The following SAMD3 variants were observed in gnomAD, a reference collection of about 807,000 sequenced individuals.
The protein encoded by SAMD3 is sterile alpha motif domain-containing protein 3.
SAMD3 carries 63 observed loss-of-function variants against 58.5 expected under a neutral mutation model. The ratio of observed to expected loss-of-function variants is 1.08; its 90% CI spans 0.88 to 1.33. The LOEUF is 1.33. SAMD3 is among the 40% of genes most tolerant of loss of function. The pLI, the probability that SAMD3 is intolerant of heterozygous loss-of-function variation, is 0.00. For synonymous variants in SAMD3, 220 were observed against 210.3 expected, an observed-to-expected ratio of 1.05 and a Z score of -0.40; for missense variants, 604 against 608.4, an observed-to-expected ratio of 0.99 and a Z score of 0.08.
At position 130,214,341 on chromosome 6, in the gene SAMD3, G is replaced by C; in HGVS notation, c.265C>G (p.Arg89Gly). ...AALVMQTEAARDYRDEESSSP... is the reference protein window; with the variant it reads ...AALVMQTEAAGDYRDEESSSP... Reference sequence around the variant, plus strand: ...GCCATTTATGAACATACTCACTCTCGAGCTGCTTCTGTTTGCATGACCAGG... The same window carrying C: ...GCCATTTATGAACATACTCACTCTCCAGCTGCTTCTGTTTGCATGACCAGG... Residue 89 changes from arginine (R) to glycine (G), a missense_variant, in exon 4 of 12, where the codon CGA (arginine) becomes GGA (glycine). By Grantham distance (125) the Arg-to-Gly change is moderately radical. Coordinates refer to ENST00000439090, the MANE Select transcript of SAMD3 (RefSeq NM_001017373.4). 1 of 1,586,800 alleles carries C rather than the reference G, an allele frequency of 6.3e-7. No homozygotes were observed. The highest frequency in any genetic ancestry group is 8.6e-7 in the Non-Finnish European group (1 of 1,168,670).
At chr6:130,239,852 C>T (rs62431211) in intron 2 of SAMD3, among the ~76,000 whole-genome samples, 21,213 of 152,180 alleles carry the variant, frequency 0.14, 1,734 homozygotes, top group East Asian at 0.36. Context: ...AGCCACCTGA[C>T]ACACTCACTG....
At chr6:130,226,613 G>T (rs1796387955), upstream of SAMD3, among the ~76,000 whole-genome samples, 1 of 152,162 alleles carries the variant, frequency 6.6e-6, no homozygotes. Flanking sequence ...CATCACCTGA[G>T]GTCAGGAGTT....
chr6:130,294,626 A>AT (rs3029966), intron 2 of SAMD3, among the ~76,000 whole-genome samples: 157 of 146,200 alleles, frequency 1.1e-3, no homozygotes, highest in East Asian at 2.2e-3. Flanking sequence ...GCAAGGATTA[A>AT]TTTTTTTTTT....
intron 1 of SAMD3, among the ~76,000 whole-genome samples, chr6:130,361,672 G>A (rs2115047340): frequency 6.6e-6 from 1 of 152,328 alleles, no homozygotes; most frequent in East Asian, 1.9e-4. Flanking sequence ...GAAAGATGAT[G>A]TAGTGAATTT....
chr6:130,231,657 G>A (rs1582983467), intron 2 of SAMD3, among the ~76,000 whole-genome samples: 1 of 152,176 alleles, frequency 6.6e-6, no homozygotes, highest in East Asian at 1.9e-4. Flanking sequence ...TAAATGTTGG[G>A]TGTTTAAATT....
At chr6:130,321,283 G>A (rs576802309) in intron 1 of SAMD3, among the ~76,000 whole-genome samples, 2 of 152,032 alleles carry the variant, frequency 1.3e-5, no homozygotes, top group Non-Finnish European at 2.9e-5. Flanking sequence ...ATCTGTGATC[G>A]AGAGCCAGTG....
chr6:130,286,226 A>G (rs1775147992), intron 2 of SAMD3: 1 of 152,244 alleles, frequency 6.6e-6, no homozygotes, highest in African/African-American at 2.4e-5. Flanking sequence ...ATCTGCCTTT[A>G]TCTCACACAC....
chr6:130,164,062 G>GTATCC (rs1414416109), intron 8 of SAMD3, among the ~76,000 whole-genome samples: 2 of 143,574 alleles, frequency 1.4e-5, no homozygotes, highest in African/African-American at 5.3e-5. Flanking sequence ...CCATGCATCA[G>GTATCC]TATCCTACAC....
chr6:130,265,555 T>C (rs1774313983), intron 2 of SAMD3, among the ~76,000 whole-genome samples: 1 of 152,222 alleles, frequency 6.6e-6, no homozygotes, highest in Non-Finnish European at 1.5e-5. Flanking sequence ...GCTACGGTCC[T>C]ATTATTTTAC....
chr6:130,211,153 C>G (rs1232311906), intron 4 of SAMD3, among the ~76,000 whole-genome samples: 1 of 152,058 alleles, frequency 6.6e-6, no homozygotes, highest in East Asian at 1.9e-4. Flanking sequence ...GATCTATTCT[C>G]TCTGAAGCCT....
chr6:130,272,079 G>C (rs1774585311), intron 2 of SAMD3, among the ~76,000 whole-genome samples: 1 of 151,956 alleles, frequency 6.6e-6, no homozygotes, highest in Non-Finnish European at 1.5e-5. Context: ...GGCCTTAAAA[G>C]GTCTTATCTT....
In SAMD3 at chr6:130,269,797, G is replaced by A. The variant is rs189532965; in HGVS notation, c.-188+43181C>T. On this transcript the variant is annotated intron_variant, in intron 2 of 13. Transcript: ENST00000368134. ...CCTCTTTTTCTACTTTATTCAGGTA[G>A]CAACACTTACTGTTCATCTGAGGTC... 1.9e-4 allele frequency among the ~76,000 whole-genome samples: 29 copies of A among 151,590 alleles called. No homozygotes were observed. The East Asian group carries it at 5.7e-3, about 30-fold the overall frequency.
At position 130,346,482 on chromosome 6, in the gene SAMD3, C is replaced by A. The variant is rs143595178; in HGVS notation, c.-304+18638G>T. Among the ~76,000 whole-genome samples, 438 of 152,288 alleles carry A rather than the reference C, an allele frequency of 2.9e-3. 1 individual carries two copies. The highest frequency in any genetic ancestry group is 0.025 in the East Asian group (129 of 5,170). On this transcript the variant is annotated intron_variant, in intron 1 of 13. Coordinates refer to the SAMD3 transcript ENST00000368134. The stretch of plus-strand genomic sequence containing the variant: ...CGGAGCCTCGCTCATTGCTAGCACA[C>A]CAGTCTGACATCAAACTGCAAGGTG...
Position 130,257,377 on chromosome 6 carries a change from T to C in SAMD3, c.-187-34564A>G, listed in dbSNP as rs141050805. On this transcript the variant is annotated intron_variant, in intron 2 of 13. Coordinates refer to the SAMD3 transcript ENST00000368134. The stretch of plus-strand genomic sequence containing the variant: ...AGACAGTCCTGGTGTACAAGTCTTT[T>C]AGTCTCATGACTGCATTGACCTGAT... Among the ~76,000 whole-genome samples, 46 of 152,284 alleles carry C rather than the reference T, an allele frequency of 3.0e-4. No homozygotes were observed. In the East Asian group the frequency reaches 8.7e-3, roughly 29 times the overall value.
At chr6:130,170,284 G>C (rs371100823) in intron 8 of SAMD3, among the ~76,000 whole-genome samples, 1 of 152,184 alleles carries the variant, frequency 6.6e-6, no homozygotes, top group African/African-American at 2.4e-5. Flanking sequence ...TTATGAATGA[G>C]AACACGTGGT....
intron 1 of SAMD3, among the ~76,000 whole-genome samples, chr6:130,362,184 T>C (rs1778007859): frequency 6.6e-6 from 1 of 152,242 alleles, no homozygotes; most frequent in Non-Finnish European, 1.5e-5. Context: ...AGTGCCCTAG[T>C]GCAGTGCTTT....
intron 4 of SAMD3, 126 bp from the exon 5 acceptor site, chr6:130,209,734 G>C: frequency 1.7e-6 from 1 of 572,726 alleles, no homozygotes; most frequent in Middle Eastern, 2.9e-4. Context: ...CCAGTTCCAC[G>C]TTAGACTCAT....
rs1582935973 is a variant in SAMD3, at chr6:130,210,040, T to C, written c.270-432A>G. Among the ~76,000 whole-genome samples the C allele has an allele frequency of 2.0e-5, 3 of 152,168 alleles. No individual in the cohort carries two copies. In the East Asian group the frequency reaches 5.8e-4, roughly 29 times the overall value. On this transcript the variant is annotated intron_variant, in intron 4 of 11. Transcript: ENST00000439090. ...GTGAAACCTCAGGATCTTAGAAACA[T>C]ACTCTGCTAGCTCCCTTATTTTCCA...
rs530797225 is a variant in SAMD3, at chr6:130,166,255, C to G, written c.822+9586G>C. On this transcript the variant is annotated intron_variant, in intron 8 of 11. Transcript: ENST00000439090. The stretch of plus-strand genomic sequence containing the variant: ...AAATGAGGATGAACTTACACAGAAT[C>G]TTCTCCACTGAGGGACTTCCCTGAC... 7.2e-5 allele frequency among the ~76,000 whole-genome samples: 11 copies of G among 152,330 alleles called. No individual in the cohort carries two copies. In the East Asian group the frequency reaches 1.9e-3, roughly 27 times the overall value.
Sources: allele counts gnomAD v4.1 joint callset (sites outside exome capture counted in the v4.1 genomes callset), GRCh38; gene constraint gnomAD v4.1.1; transcripts MANE v1.5; gene names NCBI Gene and HGNC (gene_info 2026-07-23, HGNC 2026-07-21).